NOX4: variants seen among roughly 807,000 people sequenced by gnomAD.
NOX4 encodes NADPH oxidase 4, also known as kidney oxidase-1.
Under a neutral mutation model 87.6 loss-of-function variants are expected in NOX4, and 69 were observed. The observed-to-expected ratio is 0.79, with a 90% CI of 0.65 to 0.96. NOX4 has a LOEUF of 0.96. Ranked by LOEUF, NOX4 falls within the 40% of genes least tolerant of loss-of-function variation. The pLI is 0.00. For synonymous variants in NOX4, 275 were observed against 238.2 expected, an observed-to-expected ratio of 1.15 and a Z score of -1.42; for missense variants, 680 against 681.5, an observed-to-expected ratio of 1.00 and a Z score of 0.02.
chr11:89,573,481 G>A, the NOX4 span, among the ~76,000 whole-genome samples: 2,807 of 152,308 alleles, frequency 0.018, 84 homozygotes, highest in African/African-American at 0.064. Context: ...GGAGCTTGCA[G>A]TGAGCCGAGA....
At chr11:89,551,912 G>T in the NOX4 span, among the ~76,000 whole-genome samples, 3 of 152,012 alleles carry the variant, frequency 2.0e-5, no homozygotes, top group East Asian at 5.8e-4. Flanking sequence ...CATTCAGTAT[G>T]ATATTGGCTG....
chr11:89,580,469 A>C, the NOX4 span, among the ~76,000 whole-genome samples: 1 of 152,202 alleles, frequency 6.6e-6, no homozygotes, highest in African/African-American at 2.4e-5. Flanking sequence ...TGAGTGAGCT[A>C]CTGAGCTCAG....
At chr11:89,413,329 T>G (rs1326681691) in intron 8 of NOX4, among the ~76,000 whole-genome samples, 1 of 152,140 alleles carries the variant, frequency 6.6e-6, no homozygotes, top group Admixed American at 6.6e-5. Flanking sequence ...TATTGGTAGG[T>G]ATATACCCAA....
chr11:89,472,116 G>C (rs117708474), intron 2 of NOX4, among the ~76,000 whole-genome samples: 3 of 152,282 alleles, frequency 2.0e-5, no homozygotes, highest in East Asian at 3.9e-4. Flanking sequence ...AACATGTCAT[G>C]AGTAACCAGA....
the NOX4 span, chr11:89,548,337 G>A: frequency 6.6e-6 from 1 of 152,198 alleles, no homozygotes; most frequent in Non-Finnish European, 1.5e-5. Context: ...TGAGAAGTTG[G>A]TCATCTGCAA....
the NOX4 span, chr11:89,556,911 C>T: frequency 6.6e-6 from 1 of 152,048 alleles, no homozygotes; most frequent in African/African-American, 2.4e-5. Flanking sequence ...ATGGTCTGGG[C>T]AGAAGTTCAT....
At chr11:89,479,438 CAT>C (rs1485983006) in intron 2 of NOX4, among the ~76,000 whole-genome samples, 1 of 151,934 alleles carries the variant, frequency 6.6e-6, no homozygotes, top group Admixed American at 6.6e-5. Context: ...AAAGGCATTC[CAT>C]ATAATCTTTT....
At chr11:89,576,581 G>A in the NOX4 span, among the ~76,000 whole-genome samples, 1 of 152,004 alleles carries the variant, frequency 6.6e-6, no homozygotes, top group Non-Finnish European at 1.5e-5. Flanking sequence ...ATTTTCACAT[G>A]CTATCTGCCA....
intron 8 of NOX4, among the ~76,000 whole-genome samples, chr11:89,412,965 C>A (rs1160288549): frequency 4.6e-5 from 7 of 151,866 alleles, no homozygotes; most frequent in African/African-American, 1.5e-4. Flanking sequence ...ATATAAATAA[C>A]TCAAATAGTT....
the NOX4 span, among the ~76,000 whole-genome samples, chr11:89,512,868 A>T: frequency 2.6e-5 from 4 of 152,152 alleles, no homozygotes; most frequent in African/African-American, 9.6e-5. Context: ...ATAGGGAAAG[A>T]ACTTCAGAGT....
chr11:89,508,522 C>T, the NOX4 span, among the ~76,000 whole-genome samples: 1 of 152,004 alleles, frequency 6.6e-6, no homozygotes. Context: ...GTGCCAGCTT[C>T]TAAGCAATGA....
chr11:89,477,403 C>T (rs889631560), intron 2 of NOX4, among the ~76,000 whole-genome samples: 4 of 152,064 alleles, frequency 2.6e-5, no homozygotes, highest in East Asian at 1.9e-4. Context: ...GGGGAGCCGC[C>T]GTAAATACAG....
upstream of NOX4, among the ~76,000 whole-genome samples, chr11:89,500,440 C>A (rs1024093201): frequency 1.3e-5 from 2 of 152,136 alleles, no homozygotes; most frequent in South Asian, 2.1e-4. Flanking sequence ...ACATAGCCTG[C>A]AAGTTCTCCA....
At chr11:89,398,606 T>C (rs1036246443) in intron 11 of NOX4, among the ~76,000 whole-genome samples, 2 of 151,220 alleles carry the variant, frequency 1.3e-5, no homozygotes, top group African/African-American at 4.8e-5. Context: ...TTCATGTATA[T>C]GGGATGTATA....
the NOX4 span, among the ~76,000 whole-genome samples, chr11:89,517,240 A>G: frequency 2.6e-5 from 4 of 152,150 alleles, no homozygotes; most frequent in Admixed American, 2.0e-4. Context: ...TTTTTATTTC[A>G]TTGGCCAGGA....
chr11:89,359,908 A>T (rs1313609103), intron 12 of NOX4, among the ~76,000 whole-genome samples: 1 of 152,118 alleles, frequency 6.6e-6, no homozygotes, highest in African/African-American at 2.4e-5. Context: ...TTAATAGGTT[A>T]ATTTTTTTAT....
intron 7 of NOX4, among the ~76,000 whole-genome samples, chr11:89,430,455 C>T (rs1298415834): frequency 6.6e-6 from 1 of 152,160 alleles, no homozygotes; most frequent in Non-Finnish European, 1.5e-5. Flanking sequence ...TTAGAAAACC[C>T]TATCATCTCA....
At chr11:89,436,030 A>T (rs906062262) in intron 6 of NOX4, among the ~76,000 whole-genome samples, 1 of 152,206 alleles carries the variant, frequency 6.6e-6, no homozygotes, top group Non-Finnish European at 1.5e-5. Flanking sequence ...GGTAACTGTT[A>T]TCTGGGATAT....
At chr11:89,443,399 TAA>T (rs1565300242) in intron 5 of NOX4, 3 of 149,126 alleles carry the variant, frequency 2.0e-5, no homozygotes, top group African/African-American at 7.4e-5. Context: ...AACAGGAAAA[TAA>T]GGGGGGGGGA....
Sources: allele counts gnomAD v4.1 joint callset (sites outside exome capture counted in the v4.1 genomes callset), GRCh38; gene constraint gnomAD v4.1.1; transcripts MANE v1.5; gene names NCBI Gene and HGNC (gene_info 2026-07-23, HGNC 2026-07-21).